VGLL3: variants seen among roughly 807,000 people sequenced by gnomAD.
VGLL3 encodes vestigial like family member 3.
A neutral mutation model predicts 29.2 loss-of-function variants in VGLL3; 18 were observed. The ratio of observed to expected loss-of-function variants is 0.62; its 90% CI spans 0.43 to 0.91. VGLL3 has a LOEUF of 0.91. Among genes scored for constraint, VGLL3 ranks in the 40% least tolerant of loss-of-function variants. The pLI is 0.00. For missense variants in VGLL3, 440 were observed against 413.2 expected, an observed-to-expected ratio of 1.06 and a Z score of -0.56; for synonymous variants, 180 against 151.8, an observed-to-expected ratio of 1.19 and a Z score of -1.36.
intron 2 of VGLL3, among the ~76,000 whole-genome samples, chr3:86,974,140 TAG>T (rs1031118788): frequency 7.9e-5 from 12 of 151,650 alleles, no homozygotes; most frequent in African/African-American, 2.9e-4. Context: ...TTTTTTTAGA[TAG>T]AGTCTCACTC....
rs869098443 is a variant in VGLL3, at chr3:86,988,640, C to CAAAAAAA, written c.126+1971_126+1977dup. The stretch of plus-strand genomic sequence containing the variant: ...TGGTCAAACAGTTTCTTTACTTGAC[C>CAAAAAAA]AAAAAAAAAAAAAAAAAAAAAAAAA... On this transcript the variant is annotated intron_variant, in intron 1 of 3. Transcript: ENST00000398399. Among the ~76,000 whole-genome samples, 23 of 13,738 alleles carry CAAAAAAA rather than the reference C, an allele frequency of 1.7e-3. 4 individuals carry two copies. The highest frequency in any genetic ancestry group is 3.2e-3 in the Non-Finnish European group (11 of 3,470). 9.0% of individuals were successfully genotyped at this position (13,738 alleles called of 152,430 possible).
intron 1 of VGLL3, among the ~76,000 whole-genome samples, chr3:86,983,046 G>T (rs528718432): frequency 6.6e-6 from 1 of 152,246 alleles, no homozygotes; most frequent in East Asian, 1.9e-4. Context: ...GCAGGGGAAG[G>T]ATTTGTCTGA....
chr3:86,956,261 A>G (rs1704720585), intron 3 of VGLL3, among the ~76,000 whole-genome samples: 1 of 152,242 alleles, frequency 6.6e-6, no homozygotes, highest in Non-Finnish European at 1.5e-5. Flanking sequence ...TAAGAACCTG[A>G]CCACTGAAAC....
chr3:86,960,805 G>A (rs1262286290), intron 3 of VGLL3, among the ~76,000 whole-genome samples: 1 of 151,842 alleles, frequency 6.6e-6, no homozygotes, highest in East Asian at 1.9e-4. Context: ...CCACTATTAG[G>A]TGGCTACTTA....
At chr3:86,956,800 A>T (rs1704732895) in intron 3 of VGLL3, among the ~76,000 whole-genome samples, 1 of 151,518 alleles carries the variant, frequency 6.6e-6, no homozygotes, top group South Asian at 2.1e-4. Flanking sequence ...CCCAAAAAAA[A>T]AAAAAAAAAA....
intron 3 of VGLL3, among the ~76,000 whole-genome samples, chr3:86,955,380 CTTTT>C (rs67190879): frequency 3.0e-5 from 4 of 131,708 alleles, no homozygotes; most frequent in Admixed American, 7.7e-5. Flanking sequence ...CTCTCTCTCT[CTTTT>C]TTTTTTTTTT....
intron 2 of VGLL3, 150 bp from the exon 3 acceptor site, chr3:86,969,273 G>C: frequency 9.9e-7 from 1 of 1,015,206 alleles, no homozygotes; most frequent in Non-Finnish European, 1.4e-6. Flanking sequence ...GGGGTGAATT[G>C]ATACCAGGTT....
At position 86,945,374 on chromosome 3, in the gene VGLL3, G is replaced by C. The variant is rs2106951808; in HGVS notation, c.*1650C>G. The C allele has an allele frequency of 6.6e-6, 1 of 152,240 alleles. No homozygotes were observed. Among genetic ancestry groups the C allele is most frequent in the South Asian group, 2.1e-4 (1 of 4,826 alleles). 9.4% of individuals were successfully genotyped at this position (152,240 alleles called of 1,614,324 possible). A position where few individuals can be genotyped will look rare whatever the true frequency, so the allele number is the denominator to read the frequency against. On this transcript the variant is annotated 3_prime_UTR_variant, in exon 4 of 4. Transcript: ENST00000398399. Reference sequence around the variant, plus strand: ...CGCATATATGATACGAACAATTAAAGATAGAAAGTGGCATTTCACTGAACA... The same window carrying C: ...CGCATATATGATACGAACAATTAAACATAGAAAGTGGCATTTCACTGAACA...
At chr3:86,973,412 CTTG>C (rs1435459421) in intron 2 of VGLL3, among the ~76,000 whole-genome samples, 2 of 152,128 alleles carry the variant, frequency 1.3e-5, no homozygotes, top group Admixed American at 1.3e-4. Flanking sequence ...TTGCCATTCT[CTTG>C]TTGTTCTTCC....
chr3:86,990,570 G>T (rs79619293), intron 1 of VGLL3, 48 bp downstream of exon 1: 19 of 1,313,852 alleles, frequency 1.4e-5, no homozygotes, highest in Non-Finnish European at 1.9e-5. Flanking sequence ...CGATACTCTC[G>T]ATGCCCTTCG....
intron 3 of VGLL3, among the ~76,000 whole-genome samples, chr3:86,966,456 C>T (rs1461430332): frequency 2.0e-5 from 3 of 151,884 alleles, no homozygotes; most frequent in African/African-American, 4.8e-5. Flanking sequence ...ATTTATGAAA[C>T]GAATCTTGAT....
At position 86,990,830 on chromosome 3, in the gene VGLL3, T is replaced by A. The variant is rs908967538; in HGVS notation, c.-87A>T. ...GCGCGGGCGCCGCCGCCGCCGCAGCTGCCGCCTCTGTCGCTGCTCCAGCTG... is the reference window on the plus strand; with the variant it reads ...GCGCGGGCGCCGCCGCCGCCGCAGCAGCCGCCTCTGTCGCTGCTCCAGCTG... On this transcript the variant is annotated 5_prime_UTR_variant, in exon 1 of 4. Transcript: ENST00000398399. 5 of 1,187,282 alleles carry A rather than the reference T, an allele frequency of 4.2e-6. No individual in the cohort carries two copies. The highest frequency in any genetic ancestry group is 3.1e-6 in the Non-Finnish European group (3 of 952,436). The allele number at this position is 1,187,282 out of a possible 1,614,324, so 73.5% of individuals were successfully genotyped here. A position where few individuals can be genotyped will look rare whatever the true frequency, so the allele number is the denominator to read the frequency against.
At chr3:86,951,749 AGCTCGCCTAT>A (rs1329744170) in intron 3 of VGLL3, among the ~76,000 whole-genome samples, 4 of 147,666 alleles carry the variant, frequency 2.7e-5, no homozygotes, top group African/African-American at 5.0e-5. Context: ...AAAATCTTAA[AGCTCGCCTAT>A]GTTCCCCATA....
In VGLL3 at chr3:86,946,858, C is replaced by T. The variant is rs1218406998; in HGVS notation, c.*166G>A. ...ATGCTTTTCTTCAATGTCTGGGACC[C>T]ACTTTGCTTTCTCAAGAAAGGCCGA... is the stretch of plus-strand genomic sequence containing the variant. On this transcript the variant is annotated 3_prime_UTR_variant, in exon 4 of 4. Transcript: ENST00000398399. 5.2e-6 allele frequency: 3 copies of T among 577,100 alleles called. No homozygotes were observed. Among genetic ancestry groups the T allele is most frequent in the Admixed American group, 3.2e-5 (1 of 31,546 alleles). 35.7% of individuals were successfully genotyped at this position (577,100 alleles called of 1,614,324 possible).
intron 1 of VGLL3, chr3:86,990,194 T>G: frequency 1.9e-6 from 1 of 517,026 alleles, no homozygotes; most frequent in Non-Finnish European, 2.5e-6. Context: ...TCCAGGTAGC[T>G]TCCCCTACCT....
At chr3:86,985,832 G>A (rs781075434) in intron 1 of VGLL3, among the ~76,000 whole-genome samples, 7 of 152,074 alleles carry the variant, frequency 4.6e-5, no homozygotes, top group Non-Finnish European at 7.4e-5. Flanking sequence ...AGATATATTA[G>A]TTTTCAGATT....
rs1463018723 is a variant in VGLL3 at position 86,942,082 on chromosome 3, C to T, written c.*4942G>A. ...GCTTTAATAATAGATTTAAAGGGCACTTTGGCCTTTAAATATTTTCAGAGA... is the reference window on the plus strand; with the variant it reads ...GCTTTAATAATAGATTTAAAGGGCATTTTGGCCTTTAAATATTTTCAGAGA... On this transcript the variant is annotated 3_prime_UTR_variant, in exon 4 of 4. Coordinates refer to ENST00000398399, the MANE Select transcript of VGLL3 (RefSeq NM_016206.4). 2 of 152,070 alleles carry T rather than the reference C, an allele frequency of 1.3e-5. No individual in the cohort carries two copies. The highest frequency in any genetic ancestry group is 1.9e-4 in the East Asian group (1 of 5,194). 9.4% of individuals were successfully genotyped at this position (152,070 alleles called of 1,614,324 possible).
intron 3 of VGLL3, among the ~76,000 whole-genome samples, chr3:86,965,366 T>C (rs1433509556): frequency 1.3e-5 from 2 of 152,182 alleles, no homozygotes; most frequent in African/African-American, 4.8e-5. Context: ...TGCTGAGTTT[T>C]CAGCTGAGTC....
chr3:86,962,783 C>T (rs113086915), intron 3 of VGLL3: 118 of 369,254 alleles, frequency 3.2e-4, no homozygotes, highest in African/African-American at 2.5e-3. Flanking sequence ...CTTGGGAGTC[C>T]GAGGCAGGTG....
Sources: gnomAD v4.1 joint callset for allele counts (sites outside exome capture counted in the v4.1 genomes callset) on GRCh38, gnomAD v4.1.1 for gene constraint, MANE v1.5 for transcripts, NCBI Gene and HGNC (gene_info 2026-07-23, HGNC 2026-07-21) for gene names.